PIK3C2A: variants seen among roughly 807,000 people sequenced by gnomAD.
PIK3C2A encodes the protein phosphatidylinositol 4-phosphate 3-kinase C2 domain-containing subunit alpha.
In PIK3C2A, 97 loss-of-function variants were observed where a neutral mutation model predicts 204.5. The observed-to-expected ratio is 0.47, with a 90% CI of 0.40 to 0.56. The LOEUF is 0.56. Ranked by LOEUF, PIK3C2A falls within the 20% of genes least tolerant of loss-of-function variation. The pLI, the probability that PIK3C2A is intolerant of heterozygous loss-of-function variation, is 0.00. For synonymous variants in PIK3C2A, 653 were observed against 664.4 expected (o/e 0.98, Z 0.26); for missense variants, 1,735 against 1,969.2 (o/e 0.88, Z 2.25).
intron 12 of PIK3C2A, among the ~76,000 whole-genome samples, chr11:17,131,583 G>C (rs928729514): frequency 6.6e-6 from 1 of 151,860 alleles, no homozygotes; most frequent in Admixed American, 6.6e-5. Context: ...CACCACGCCC[G>C]GCTAATTTTT....
In PIK3C2A at chr11:17,097,116, G is replaced by T; in HGVS notation, c.4267C>A (p.Arg1423=). ...GTAAAAACAGAGACTTCCTTGATTC[G>T]ACCATCTTGTCTAAAGGAGTATGTT... is the stretch of plus-strand genomic sequence containing the variant. ...PKTYSFRQDG[R]IKEVSVFTYH... is the part of the protein sequence containing the mutation. Residue 1423 remains arginine, a synonymous_variant, in exon 27 of 33, where the codon CGA becomes AGA. Coordinates refer to ENST00000691414, the MANE Select transcript of PIK3C2A (RefSeq NM_002645.4). The T allele has an allele frequency of 1.2e-6, 2 of 1,608,340 alleles. No individual in the cohort carries two copies. Among genetic ancestry groups the T allele is most frequent in the South Asian group, 2.2e-5 (2 of 90,942 alleles).
chr11:17,137,420 TGCC>T (rs1849908959), intron 8 of PIK3C2A, among the ~76,000 whole-genome samples: 4 of 78,770 alleles, frequency 5.1e-5, no homozygotes, highest in African/African-American at 1.4e-4. Flanking sequence ...CATATTACTT[TGCC>T]TTTTTTTTTG....
intron 1 of PIK3C2A, among the ~76,000 whole-genome samples, chr11:17,190,262 C>CA (rs565119417): frequency 1.2e-4 from 18 of 148,870 alleles, no homozygotes; most frequent in African/African-American, 3.2e-4. Flanking sequence ...GACTCCATCT[C>CA]AAAAAAAATA....
intron 8 of PIK3C2A, among the ~76,000 whole-genome samples, chr11:17,139,150 T>A (rs1849971559): frequency 6.6e-6 from 1 of 152,046 alleles, no homozygotes; most frequent in Admixed American, 6.5e-5. Context: ...TGACCTCAGG[T>A]GATCCACCTG....
intron 8 of PIK3C2A, 98 bp downstream of exon 8, chr11:17,145,570 G>A: frequency 1.4e-6 from 1 of 730,672 alleles, no homozygotes; most frequent in Non-Finnish European, 2.4e-6. Context: ...AGTCTTAAAA[G>A]TCCTAAAATA....
intron 8 of PIK3C2A, among the ~76,000 whole-genome samples, chr11:17,142,312 T>C (rs1414260956): frequency 6.6e-6 from 1 of 151,996 alleles, no homozygotes; most frequent in Admixed American, 6.6e-5. Context: ...ACCTAGGATG[T>C]GAATACAGAG....
chr11:17,163,947 A>T lies in PIK3C2A; in HGVS notation c.1065+4730T>A, dbSNP rs182625588. ...AAGTCCACTTCCTCTTCCACATGGC[A>T]ACTTCCCAAATTTTAACTATTATTT... On this transcript the variant is annotated intron_variant, in intron 2 of 32. Coordinates refer to ENST00000691414, the MANE Select transcript of PIK3C2A (RefSeq NM_002645.4). Among the ~76,000 whole-genome samples, 441 of 151,810 alleles carry T rather than the reference A, an allele frequency of 2.9e-3. 3 individuals carry two copies. The highest frequency in any genetic ancestry group is 0.01 in the African/African-American group (417 of 41,404).
At chr11:17,148,573 T>C (rs1489263831) in intron 5 of PIK3C2A, 94 bp downstream of exon 5, 1 of 1,035,146 alleles carries the variant, frequency 9.7e-7, no homozygotes, top group Non-Finnish European at 1.4e-6. Flanking sequence ...ATCCAATGTA[T>C]TTCTGCATTA....
At chr11:17,178,623 C>T (rs1052959329) in intron 1 of PIK3C2A, among the ~76,000 whole-genome samples, 42 of 151,548 alleles carry the variant, frequency 2.8e-4, no homozygotes, top group Admixed American at 6.6e-5. Context: ...AGTGCAGTGG[C>T]GCAGTCTCAG....
At chr11:17,130,242 C>T (rs1849651379) in intron 12 of PIK3C2A, among the ~76,000 whole-genome samples, 1 of 152,098 alleles carries the variant, frequency 6.6e-6, no homozygotes, top group Non-Finnish European at 1.5e-5. Context: ...TATACACCAA[C>T]AGACATATGT....
At chr11:17,114,811 G>C (rs2137324644) in intron 19 of PIK3C2A, among the ~76,000 whole-genome samples, 1 of 152,286 alleles carries the variant, frequency 6.6e-6, no homozygotes, top group East Asian at 1.9e-4. Context: ...TATTGGTAGG[G>C]AGAGAGGTGT....
At position 17,190,857 on chromosome 11, in the gene PIK3C2A, G is replaced by A. The variant is rs79677060; in HGVS notation, c.-66+16991C>T. Among the ~76,000 whole-genome samples, 3 of 152,170 alleles carry A rather than the reference G, an allele frequency of 2.0e-5. No homozygotes were observed. In the East Asian group the frequency reaches 5.8e-4, roughly 29 times the overall value. ...TAAGTTCTGTGGGACAATTTCAAAT[G>A]GTCTAATATAATGTGTAATTGGAGT... is the stretch of plus-strand genomic sequence containing the variant. On this transcript the variant is annotated intron_variant, in intron 1 of 32. Coordinates refer to ENST00000691414, the MANE Select transcript of PIK3C2A (RefSeq NM_002645.4).
At chr11:17,198,816 C>CA (rs57876134) in intron 1 of PIK3C2A, among the ~76,000 whole-genome samples, 30 of 148,348 alleles carry the variant, frequency 2.0e-4, no homozygotes, top group East Asian at 2.0e-3. Context: ...CAAAACAAAA[C>CA]AAAAAAAAAA....
chr11:17,194,742 T>C (rs1852081437), intron 1 of PIK3C2A, among the ~76,000 whole-genome samples: 1 of 151,994 alleles, frequency 6.6e-6, no homozygotes, highest in Admixed American at 6.6e-5. Context: ...AAACTCCACC[T>C]CTACTAAAAA....
chr11:17,136,367 C>A, intron 9 of PIK3C2A, 115 bp downstream of exon 9: 1 of 811,136 alleles, frequency 1.2e-6, no homozygotes, highest in Non-Finnish European at 2.0e-6. Flanking sequence ...AGTGATTCAA[C>A]CCAAAAGTAA....
intron 5 of PIK3C2A, 108 bp from the exon 6 acceptor site, chr11:17,147,736 C>G (rs1850289267): frequency 6.5e-6 from 4 of 618,412 alleles, no homozygotes; most frequent in Non-Finnish European, 1.2e-5. Flanking sequence ...AATGGTGAAA[C>G]AGAGACAGTT....
At chr11:17,188,496 GA>G (rs1851833010) in intron 1 of PIK3C2A, among the ~76,000 whole-genome samples, 1 of 147,118 alleles carries the variant, frequency 6.8e-6, no homozygotes, top group African/African-American at 2.7e-5. Flanking sequence ...TGTAGATGGG[GA>G]TAAGAAGAAA....
chr11:17,124,036 C>CAT (rs142763008), intron 13 of PIK3C2A, among the ~76,000 whole-genome samples: 5,638 of 148,910 alleles, frequency 0.038, 331 homozygotes, highest in African/African-American at 0.13. Flanking sequence ...TATAATCCAT[C>CAT]ATATATATAT....
At chr11:17,095,424 A>G (rs1458231893) in intron 27 of PIK3C2A, among the ~76,000 whole-genome samples, 1 of 150,078 alleles carries the variant, frequency 6.7e-6, no homozygotes. Context: ...AAAAAAAAAA[A>G]AAAAAAAATA....
Sources: gnomAD v4.1 joint callset for allele counts (sites outside exome capture counted in the v4.1 genomes callset) on GRCh38, gnomAD v4.1.1 for gene constraint, MANE v1.5 for transcripts, NCBI Gene and HGNC (gene_info 2026-07-23, HGNC 2026-07-21) for gene names.